Variants in TSC22D2 observed in about 807,000 individuals in gnomAD.
TSC22D2 encodes the protein TSC22 domain family member 2.
In TSC22D2, 5 loss-of-function variants were observed where a neutral mutation model predicts 50.1. The ratio of observed to expected loss-of-function variants is 0.10; its 90% CI spans 0.05 to 0.21. The LOEUF (loss-of-function observed/expected upper bound fraction) is 0.21. Among genes scored for constraint, TSC22D2 ranks in the 10% least tolerant of loss-of-function variants. The probability of loss-of-function intolerance (pLI) is 1.00; values close to 1 mark genes in which losing one functional copy is unlikely to be tolerated. For missense variants in TSC22D2, 1,003 were observed against 1,015.5 expected (o/e 0.99, Z 0.17); for synonymous variants, 501 against 450.1 (o/e 1.11, Z -1.43).
At chr3:150,438,988 T>C (rs1054772834) in intron 1 of TSC22D2, among the ~76,000 whole-genome samples, 1 of 152,174 alleles carries the variant, frequency 6.6e-6, no homozygotes, top group African/African-American at 2.4e-5. Flanking sequence ...CAGTTTCTTA[T>C]TTTGCTTTGT....
intron 1 of TSC22D2, among the ~76,000 whole-genome samples, chr3:150,418,553 T>C (rs1314643678): frequency 6.6e-6 from 1 of 151,936 alleles, no homozygotes; most frequent in African/African-American, 2.4e-5. Context: ...CTTTTGAGGC[T>C]AACTCTTGAA....
intron 1 of TSC22D2, among the ~76,000 whole-genome samples, chr3:150,434,188 A>C (rs1720465895): frequency 6.7e-6 from 1 of 149,412 alleles, no homozygotes. Flanking sequence ...TTGCTCTGTC[A>C]CCCAGGCTGG....
intron 1 of TSC22D2, among the ~76,000 whole-genome samples, chr3:150,431,219 T>A: frequency 1.2e-5 from 1 of 85,726 alleles, no homozygotes; most frequent in Non-Finnish European, 2.2e-5. Flanking sequence ...AGTGAGGCTC[T>A]GTCTCAAAAA....
chr3:150,428,957 C>G (rs569747056), intron 1 of TSC22D2, among the ~76,000 whole-genome samples: 1 of 152,230 alleles, frequency 6.6e-6, no homozygotes, highest in Admixed American at 6.5e-5. Flanking sequence ...ATTTTAGTTA[C>G]ATTTAAAATG....
chr3:150,444,113 G>A (rs1190113151), intron 1 of TSC22D2, among the ~76,000 whole-genome samples: 7 of 152,024 alleles, frequency 4.6e-5, no homozygotes, highest in African/African-American at 1.4e-4. Flanking sequence ...TTCTCAGTAG[G>A]TAACAACCAG....
chr3:150,415,939 C>G (rs1388327188), intron 1 of TSC22D2, among the ~76,000 whole-genome samples: 1 of 152,134 alleles, frequency 6.6e-6, no homozygotes, highest in Admixed American at 6.5e-5. Flanking sequence ...CAGAAAAGAT[C>G]AGAAGCAGTT....
In TSC22D2 at chr3:150,409,941, A is replaced by G. The variant is rs757645922; in HGVS notation, c.591A>G (p.Arg197=). The change falls in exon 1 of 3, where the codon AGA becomes AGG. Residue 197 remains arginine, a synonymous_variant. Transcript: ENST00000688009. The surrounding 1 kb of genome is among the most constrained non-coding windows in gnomAD (Gnocchi z 7.4). ...ATTCAGACAGCAGCGTCCTGACTAG[A>G]TCCGGGGATTGCATTAGACACAGCA... The part of the protein sequence containing the change: ...ERDSDSSVLT[R]SGDCIRHSST... The G allele has an allele frequency of 2.5e-6, 4 of 1,613,858 alleles. No homozygotes were observed. Among genetic ancestry groups the G allele is most frequent in the Admixed American group, 1.7e-5 (1 of 60,016 alleles).
At chr3:150,418,863 A>G (rs748863196) in intron 1 of TSC22D2, among the ~76,000 whole-genome samples, 44 of 152,014 alleles carry the variant, frequency 2.9e-4, no homozygotes, top group African/African-American at 9.4e-4. Context: ...TTAAATTATA[A>G]TCTTATGATA....
At chr3:150,415,692 A>G (rs1323697179) in intron 1 of TSC22D2, among the ~76,000 whole-genome samples, 3 of 152,116 alleles carry the variant, frequency 2.0e-5, no homozygotes, top group Admixed American at 6.6e-5. Flanking sequence ...GCCAACACCT[A>G]TAGTCTTAGC....
At chr3:150,442,127 T>A (rs533745150) in intron 1 of TSC22D2, among the ~76,000 whole-genome samples, 1 of 152,326 alleles carries the variant, frequency 6.6e-6, no homozygotes, top group South Asian at 2.1e-4. Context: ...ACTGTTCTTT[T>A]TACTTGGAAC....
intron 1 of TSC22D2, among the ~76,000 whole-genome samples, chr3:150,430,933 TA>T (rs1720357121): frequency 6.6e-6 from 1 of 152,158 alleles, no homozygotes; most frequent in South Asian, 2.1e-4. Flanking sequence ...ACAGAAAAAT[TA>T]CAAGAATAGT....
intron 1 of TSC22D2, 92 bp downstream of exon 1, chr3:150,411,400 G>A (rs558157297): frequency 6.3e-4 from 852 of 1,343,130 alleles, no homozygotes; most frequent in Non-Finnish European, 7.9e-4. Context: ...GTCAACGGAG[G>A]CCCTTAGCAT....
At chr3:150,457,042 T>G (rs1418595131) in intron 1 of TSC22D2, 34 bp from the exon 2 acceptor site, 19 of 1,599,498 alleles carry the variant, frequency 1.2e-5, no homozygotes, top group Non-Finnish European at 1.6e-5. Flanking sequence ...AGGTTAAATT[T>G]TTTAGAATAA....
At position 150,428,238 on chromosome 3, in the gene TSC22D2, C is replaced by T. The variant is rs560550055; in HGVS notation, c.1958+16930C>T. 2.0e-5 allele frequency among the ~76,000 whole-genome samples: 3 copies of T among 152,166 alleles called. No individual in the cohort carries two copies. In the East Asian group the frequency reaches 5.8e-4, roughly 29 times the overall value. On this transcript the variant is annotated intron_variant, in intron 1 of 2. Transcript: ENST00000688009. ...TCCACCTTTTCTGCAGTGCTTACTA[C>T]AGTTGCTATTCTCACAGGACTCTTT... is the stretch of plus-strand genomic sequence containing the variant.
intron 1 of TSC22D2, among the ~76,000 whole-genome samples, chr3:150,448,397 T>A (rs1393676305): frequency 6.6e-6 from 1 of 152,048 alleles, no homozygotes; most frequent in Non-Finnish European, 1.5e-5. Context: ...AGCAGGAGGA[T>A]TGCTTGAGCC....
chr3:150,455,016 T>G (rs1331676998), intron 1 of TSC22D2, among the ~76,000 whole-genome samples: 1 of 152,180 alleles, frequency 6.6e-6, no homozygotes, highest in African/African-American at 2.4e-5. Flanking sequence ...TGTTAATACA[T>G]AAAACTGATG....
At chr3:150,413,291 A>G (rs1381023207) in intron 1 of TSC22D2, among the ~76,000 whole-genome samples, 7 of 152,226 alleles carry the variant, frequency 4.6e-5, no homozygotes, top group African/African-American at 1.2e-4. Flanking sequence ...GTTCTTACCA[A>G]TTGCAACAGT....
intron 1 of TSC22D2, among the ~76,000 whole-genome samples, chr3:150,452,211 G>A (rs538781780): frequency 9.2e-5 from 14 of 152,042 alleles, no homozygotes; most frequent in African/African-American, 1.9e-4. Context: ...TTTGGGAGGC[G>A]AAGGCAGGCA....
At position 150,409,737 on chromosome 3, in the gene TSC22D2, C is replaced by G; in HGVS notation, c.387C>G (p.Pro129=). 2 of 1,601,098 alleles carry G rather than the reference C, an allele frequency of 1.2e-6. No individual in the cohort carries two copies. Among genetic ancestry groups the G allele is most frequent in the Non-Finnish European group, 8.5e-7 (1 of 1,177,500 alleles). Residue 129 remains proline, a synonymous_variant, in exon 1 of 3, where the codon CCC becomes CCG. Coordinates refer to ENST00000688009, the MANE Select transcript of TSC22D2 (RefSeq NM_001303264.2). The surrounding 1 kb of genome is among the most constrained non-coding windows in gnomAD (Gnocchi z 7.4). The stretch of plus-strand genomic sequence containing the variant: ...TGGCGGCGGCTGCCACTTCGGCCCC[C>G]GCCCCCGGAGCACCCGGCGGCCCCC... ...STLAAAATSA[P]APGAPGGPQL...
Sources: allele counts gnomAD v4.1 joint callset (sites outside exome capture counted in the v4.1 genomes callset), GRCh38; gene constraint gnomAD v4.1.1; non-coding constraint Gnocchi (gnomAD v3.1); transcripts MANE v1.5; gene names NCBI Gene and HGNC (gene_info 2026-07-23, HGNC 2026-07-21).